ATPAF2: variants seen among roughly 807,000 people sequenced by gnomAD.
The protein encoded by ATPAF2 is ATP12 homolog.
A neutral mutation model predicts 36.6 loss-of-function variants in ATPAF2; 30 were observed. The ratio of observed to expected loss-of-function variants is 0.82; its 90% CI spans 0.61 to 1.11. The LOEUF (loss-of-function observed/expected upper bound fraction) is 1.11. ATPAF2 is among the 50% of genes most tolerant of loss of function. The pLI is 0.00. For missense variants in ATPAF2, 321 were observed against 372.3 expected, an observed-to-expected ratio of 0.86 and a Z score of 1.13; for synonymous variants, 140 against 152.6, an observed-to-expected ratio of 0.92 and a Z score of 0.61.
intron 7 of ATPAF2, among the ~76,000 whole-genome samples, chr17:18,019,787 T>C (rs973886268): frequency 3.9e-5 from 6 of 152,238 alleles, no homozygotes; most frequent in African/African-American, 1.2e-4. Flanking sequence ...AACTGTACAA[T>C]TGTAATATGT....
chr17:18,029,085 CAGTGTGCGTGCGCAG>C (rs1159151034), intron 1 of ATPAF2, among the ~76,000 whole-genome samples: 2 of 152,154 alleles, frequency 1.3e-5, no homozygotes, highest in Admixed American at 6.5e-5. Flanking sequence ...AGTGGAAAGC[CAGTGTGCGTGCGCAG>C]GGTGTGCGTG....
rs746213259 is a variant in ATPAF2 at position 18,018,566 on chromosome 17, T to C, written c.853A>G (p.Lys285Glu). Reference protein sequence around the residue: ...LCSESTTVKHKLLKE With the variant: ...LCSESTTVKHELLKE ...CCCAGGCCTCACTCCTTCAGGAGCT[T>C]GTGCTTGACTGTGGTGCTCTCGGAG... Residue 285 changes from lysine to glutamate, a missense_variant, in exon 8 of 8, where the codon AAG becomes GAG. By Grantham distance (56) the Lys-to-Glu change is moderately conservative. Coordinates refer to ENST00000474627, the MANE Select transcript of ATPAF2 (RefSeq NM_145691.4). 5.6e-6 allele frequency: 9 copies of C among 1,613,736 alleles called. No individual in the cohort carries two copies. The South Asian group carries it at 7.7e-5, about 14-fold the overall frequency.
chr17:18,031,161 G>A (rs1420849805), intron 1 of ATPAF2, among the ~76,000 whole-genome samples: 1 of 149,804 alleles, frequency 6.7e-6, no homozygotes, highest in East Asian at 2.0e-4. Flanking sequence ...TTGTTTAGTA[G>A]AGGCGGGGTT....
intron 1 of ATPAF2, among the ~76,000 whole-genome samples, chr17:18,035,139 G>A (rs1417064313): frequency 6.6e-6 from 1 of 152,056 alleles, no homozygotes; most frequent in Non-Finnish European, 1.5e-5. Context: ...TGAGGCAGGA[G>A]GATCACTTGA....
At chr17:18,034,876 C>T (rs1455598310) in intron 1 of ATPAF2, among the ~76,000 whole-genome samples, 2 of 152,184 alleles carry the variant, frequency 1.3e-5, no homozygotes, top group African/African-American at 2.4e-5. Context: ...CATATTTACA[C>T]ATACAATGGA....
At chr17:18,020,925 T>C in intron 7 of ATPAF2, 198 bp downstream of exon 7, 1 of 1,360,702 alleles carries the variant, frequency 7.3e-7, no homozygotes, top group Non-Finnish European at 9.6e-7. Context: ...CCACCCAAAG[T>C]GCTGGGATTA....
intron 1 of ATPAF2, among the ~76,000 whole-genome samples, chr17:18,031,249 A>G (rs1432235022): frequency 1.4e-4 from 20 of 147,494 alleles, no homozygotes; most frequent in African/African-American, 2.2e-4. Context: ...TGCTGGGATT[A>G]CAGGCGTGAG....
At chr17:18,026,930 A>AT (rs997449216) in intron 3 of ATPAF2, among the ~76,000 whole-genome samples, 1 of 152,084 alleles carries the variant, frequency 6.6e-6, no homozygotes, top group South Asian at 2.1e-4. Flanking sequence ...GATCAAGATT[A>AT]TTTTTTTCGG....
chr17:18,016,041 A>G (rs768670340), downstream of ATPAF2: 5 of 1,611,632 alleles, frequency 3.1e-6, no homozygotes, highest in African/African-American at 2.7e-5. Context: ...ACACTTTCTC[A>G]TTGGATTCTT....
chr17:18,024,604 T>C lies in ATPAF2; in HGVS notation c.503+20A>G. The C allele has an allele frequency of 6.2e-7, 1 of 1,607,288 alleles. No individual in the cohort carries two copies. The highest frequency in any genetic ancestry group is 8.5e-7 in the Non-Finnish European group (1 of 1,174,176). On this transcript the variant is annotated intron_variant, in intron 5 of 7. Transcript: ENST00000474627. ...ACGCAGGTGCCCAGTCAGTGCTTTC[T>C]GCAGGGCTGTACATCTTACCTTTTC... is the stretch of plus-strand genomic sequence containing the variant.
intron 4 of ATPAF2, 168 bp from the exon 5 acceptor site, chr17:18,024,872 C>T (rs1568570820): frequency 1.1e-5 from 7 of 665,260 alleles, no homozygotes; most frequent in Non-Finnish European, 1.6e-5. Flanking sequence ...GCCCTGGCAC[C>T]AGCATCGCCT....
chr17:18,025,402 G>C (rs183186913), intron 4 of ATPAF2: 155 of 158,834 alleles, frequency 9.8e-4, no homozygotes, highest in African/African-American at 3.4e-3. Flanking sequence ...GGGAATCCAA[G>C]TGGGCACTAT....
intron 6 of ATPAF2, 86 bp from the exon 7 acceptor site, chr17:18,021,324 A>C (rs1359600357): frequency 9.9e-7 from 1 of 1,005,476 alleles, no homozygotes; most frequent in African/African-American, 1.6e-5. Flanking sequence ...CCTAGCAGAG[A>C]ACAGGAGTGA....
chr17:18,032,000 C>T lies in ATPAF2; in HGVS notation c.134-3341G>A, dbSNP rs2044643894. Among the ~76,000 whole-genome samples the T allele has an allele frequency of 3.3e-5, 5 of 152,192 alleles. No homozygotes were observed. The South Asian group carries it at 1.0e-3, about 31-fold the overall frequency. Reference sequence around the variant, plus strand: ...GACATGGGTCTGGAGGCCTCCTTTCCTCTCTCAGGTCTGGAGTGAGGTAGA... The same window carrying T: ...GACATGGGTCTGGAGGCCTCCTTTCTTCTCTCAGGTCTGGAGTGAGGTAGA... On this transcript the variant is annotated intron_variant, in intron 1 of 7. Coordinates refer to ENST00000474627, the MANE Select transcript of ATPAF2 (RefSeq NM_145691.4).
At position 18,024,046 on chromosome 17, in the gene ATPAF2, G is replaced by A. The variant is rs117422766; in HGVS notation, c.503+578C>T. Among the ~76,000 whole-genome samples, 279 of 152,270 alleles carry A rather than the reference G, an allele frequency of 1.8e-3. 3 individuals are homozygous for A. The East Asian group carries it at 0.02, about 11-fold the overall frequency. On this transcript the variant is annotated intron_variant, in intron 5 of 7. Coordinates refer to ENST00000474627, the MANE Select transcript of ATPAF2 (RefSeq NM_145691.4). ...ACTTTTCTCCAAGTGCATACATATCGTATATGTTGTTCTGTTATTTTATTT... is the reference window on the plus strand; with the variant it reads ...ACTTTTCTCCAAGTGCATACATATCATATATGTTGTTCTGTTATTTTATTT...
In ATPAF2 at chr17:18,038,967, A is replaced by G. The variant is rs780168666; in HGVS notation, c.47T>C (p.Leu16Pro). The change falls in exon 1 of 8, where the codon CTG (leucine) becomes CCG (proline). Residue 16 changes from leucine to proline, a missense_variant. Leu to Pro is a moderately conservative substitution (Grantham distance 98). Transcript: ENST00000474627. ...LRLRDGGRRL[L>P]NRPAGGPSAS... ...GCTGGGGCCACCCGCCGGCCGATTC[A>G]GGAGACGGCGTCCCCCGTCCCGCAG... 4 of 1,613,108 alleles carry G rather than the reference A, an allele frequency of 2.5e-6. No homozygotes were observed. In the South Asian group the frequency reaches 4.4e-5, roughly 18 times the overall value.
rs913089371 is a variant in ATPAF2, at chr17:18,039,127, T to A, written c.-114A>T. On this transcript the variant is annotated 5_prime_UTR_variant, in exon 1 of 8. Transcript: ENST00000474627. The surrounding 1 kb of genome is among the most constrained non-coding windows in gnomAD (Gnocchi z 5.3). ...TGTACGGAAACCTCTCAACGCCTCC[T>A]CAGAGCCCTCAACCTCCCTTGGACG... 18 of 1,430,908 alleles carry A rather than the reference T, an allele frequency of 1.3e-5. No individual in the cohort carries two copies. The highest frequency in any genetic ancestry group is 1.7e-5 in the Non-Finnish European group (18 of 1,050,064). The allele number at this position is 1,430,908 out of a possible 1,614,324, so 88.6% of individuals were successfully genotyped here.
chr17:18,021,781 T>C lies in ATPAF2; in HGVS notation c.580A>G (p.Ser194Gly). ...CATGTGTTGTAAGATGCCAGGTGGC[T>C]GACGAGCACCTCCCGAGTTTTGGCA... ...IPAKTREVLV[S>G]HLASYNTWAL... is the part of the protein sequence containing the mutation. Residue 194 changes from serine to glycine, a missense_variant, in exon 6 of 8, where the codon AGC becomes GGC. Physicochemically the swap from Ser to Gly is moderately conservative, Grantham distance 56 (BLOSUM62 0). Around this residue, in one of 3 missense-constraint regions of ATPAF2, gnomAD observed 199 missense variants for 220.6 expected, o/e 0.90. Coordinates refer to ENST00000474627, the MANE Select transcript of ATPAF2 (RefSeq NM_145691.4). 6.2e-7 allele frequency: 1 copy of C among 1,614,192 alleles called. No homozygotes were observed. Among genetic ancestry groups the C allele is most frequent in the Non-Finnish European group, 8.5e-7 (1 of 1,180,036 alleles).
intron 5 of ATPAF2, among the ~76,000 whole-genome samples, chr17:18,022,856 T>TG (rs1291619806): frequency 6.6e-6 from 1 of 152,050 alleles, no homozygotes; most frequent in African/African-American, 2.4e-5. Context: ...CCGGGCGCGG[T>TG]GGCTCATGCC....
Sources: gnomAD v4.1 joint callset for allele counts (sites outside exome capture counted in the v4.1 genomes callset) on GRCh38, gnomAD v4.1.1 for gene constraint, gnomAD v4.1.1 regional missense constraint, Gnocchi (gnomAD v3.1) non-coding constraint, MANE v1.5 for transcripts, NCBI Gene and HGNC (gene_info 2026-07-23, HGNC 2026-07-21) for gene names.